SDHB: variants seen among roughly 807,000 people sequenced by gnomAD.
SDHB encodes succinate dehydrogenase complex iron sulfur subunit B.
A neutral mutation model predicts 39.7 loss-of-function variants in SDHB; 21 were observed. The observed-to-expected ratio is 0.53, with a 90% CI of 0.37 to 0.76. SDHB has a LOEUF of 0.76. SDHB is among the 30% of genes least tolerant of loss of function. SDHB has a pLI of 0.00. For missense variants in SDHB, 343 were observed against 350.9 expected, an observed-to-expected ratio of 0.98 and a Z score of 0.18; for synonymous variants, 118 against 117.0, an observed-to-expected ratio of 1.01 and a Z score of -0.06.
intron 6 of SDHB, among the ~76,000 whole-genome samples, chr1:17,023,490 CA>C (rs1181556967): frequency 2.0e-5 from 3 of 152,216 alleles, no homozygotes; most frequent in Non-Finnish European, 4.4e-5. Context: ...TTTCTGGGAA[CA>C]AAGACAGTGA....
At chr1:17,043,738 C>T (rs973515394) in intron 2 of SDHB, among the ~76,000 whole-genome samples, 11 of 152,142 alleles carry the variant, frequency 7.2e-5, no homozygotes, top group Non-Finnish European at 8.8e-5. Flanking sequence ...GCTGCTGCTG[C>T]TTTTGACGAT....
intron 2 of SDHB, among the ~76,000 whole-genome samples, chr1:17,041,775 T>A (rs2078081463): frequency 6.6e-6 from 1 of 152,224 alleles, no homozygotes; most frequent in African/African-American, 2.4e-5. Context: ...AGGCAATTAA[T>A]ATGGCTGCAC....
chr1:17,047,522 C>T (rs1037150892), intron 1 of SDHB, among the ~76,000 whole-genome samples: 3 of 150,624 alleles, frequency 2.0e-5, no homozygotes, highest in Non-Finnish European at 4.4e-5. Context: ...ACTAAAAATA[C>T]AAAAAAACGA....
rs780477085 is a variant in SDHB, at chr1:17,022,703, C to T, written c.670G>A (p.Asp224Asn). 6.2e-7 allele frequency: 1 copy of T among 1,613,954 alleles called. No individual in the cohort carries two copies. Among genetic ancestry groups the T allele is most frequent in the Non-Finnish European group, 8.5e-7 (1 of 1,179,882 alleles). Residue 224 changes from aspartate (D) to asparagine (N), a missense_variant, in exon 7 of 8, where the codon GAT (aspartate) becomes AAT (asparagine). Transcript: ENST00000375499. Reference protein sequence around the residue: ...QAYRWMIDSRDDFTEERLAKL... With the variant: ...QAYRWMIDSRNDFTEERLAKL... The stretch of plus-strand genomic sequence containing the variant: ...GCCAGGCGCTCCTCTGTGAAGTCAT[C>T]TCTGGAGTCAATCATCCAGCGATAG...
Position 17,025,343 on chromosome 1 carries a change from TAAAC to T in SDHB, c.541-1273_541-1270del, listed in dbSNP as rs975658570. Among the ~76,000 whole-genome samples, 61 of 150,082 alleles carry T rather than the reference TAAAC, an allele frequency of 4.1e-4. No individual in the cohort carries two copies. In the Middle Eastern group the frequency reaches 0.017, roughly 42 times the overall value. ...CCAGCTACATAAAAATATAATGTAA[TAAAC>T]AAAAAACAAAGGAAACTATAAATAT... On this transcript the variant is annotated intron_variant, in intron 5 of 7. Transcript: ENST00000375499.
chr1:17,039,465 T>C (rs2078068109), intron 2 of SDHB, among the ~76,000 whole-genome samples: 2 of 148,868 alleles, frequency 1.3e-5, no homozygotes, highest in Admixed American at 6.7e-5. Flanking sequence ...TACATGCCTG[T>C]AGTCCCAGGG....
chr1:17,032,978 G>T, intron 3 of SDHB, 82 bp downstream of exon 3: 1 of 1,025,572 alleles, frequency 9.8e-7, no homozygotes, highest in Non-Finnish European at 1.5e-6. Context: ...CTGTTTTCCA[G>T]ATGTCTCTAT....
chr1:17,019,897 TA>T (rs1213363068), intron 7 of SDHB, among the ~76,000 whole-genome samples: 6 of 152,166 alleles, frequency 3.9e-5, no homozygotes, highest in Non-Finnish European at 8.8e-5. Context: ...CACACCTGGC[TA>T]ATTAAAAAAA....
chr1:17,037,948 C>T (rs551327421), intron 2 of SDHB, among the ~76,000 whole-genome samples: 3 of 152,240 alleles, frequency 2.0e-5, no homozygotes, highest in African/African-American at 4.8e-5. Context: ...ACCAGCCTGA[C>T]CAACACGCAG....
chr1:17,037,054 T>C (rs2078054157), intron 2 of SDHB, among the ~76,000 whole-genome samples: 1 of 152,058 alleles, frequency 6.6e-6, no homozygotes, highest in Admixed American at 6.6e-5. Flanking sequence ...AGCTATTTTT[T>C]GTGTGTGTAT....
chr1:17,045,976 T>C (rs930945467), intron 1 of SDHB, among the ~76,000 whole-genome samples: 2 of 152,210 alleles, frequency 1.3e-5, no homozygotes, highest in Non-Finnish European at 2.9e-5. Flanking sequence ...GCTTTGCTTG[T>C]GTGTTTTGTC....
chr1:17,037,126 A>G (rs2078054618), intron 2 of SDHB, among the ~76,000 whole-genome samples: 1 of 152,156 alleles, frequency 6.6e-6, no homozygotes, highest in Admixed American at 6.5e-5. Context: ...TAATTAAAAC[A>G]TGGTACAATA....
chr1:17,019,564 CTTTACCAAGTACTTGCT>C (rs2077949723), intron 7 of SDHB, among the ~76,000 whole-genome samples: 1 of 151,996 alleles, frequency 6.6e-6, no homozygotes, highest in African/African-American at 2.4e-5. Context: ...GTAGGAAGTA[CTTTACCAAGTACTTGCT>C]TTTACCAAGC....
intron 1 of SDHB, among the ~76,000 whole-genome samples, chr1:17,048,569 T>C: frequency 6.6e-6 from 1 of 152,298 alleles, no homozygotes; most frequent in South Asian, 2.1e-4. Flanking sequence ...CTGACAAAAC[T>C]ATTTTCCAGA....
intron 3 of SDHB, among the ~76,000 whole-genome samples, chr1:17,030,423 CT>C (rs1246572281): frequency 1.3e-5 from 2 of 152,134 alleles, no homozygotes; most frequent in Admixed American, 1.3e-4. Context: ...TCAGCATGGA[CT>C]TTCCAAAGAG....
intron 2 of SDHB, among the ~76,000 whole-genome samples, chr1:17,042,445 G>A (rs1025722731): frequency 1.3e-5 from 2 of 152,070 alleles, no homozygotes; most frequent in African/African-American, 4.8e-5. Context: ...GACAAAACTG[G>A]AAGTAAACCC....
chr1:17,034,917 C>T (rs897010920), intron 2 of SDHB, among the ~76,000 whole-genome samples: 1 of 152,116 alleles, frequency 6.6e-6, no homozygotes, highest in African/African-American at 2.4e-5. Flanking sequence ...AGGTTCTGTT[C>T]TAGATGCTGG....
intron 1 of SDHB, among the ~76,000 whole-genome samples, chr1:17,047,925 C>T (rs2078123135): frequency 6.6e-6 from 1 of 152,182 alleles, no homozygotes; most frequent in Non-Finnish European, 1.5e-5. Context: ...AAGTGATCCT[C>T]TGCCTGGCCC....
Position 17,033,049 on chromosome 1 carries a change from G to A in SDHB, c.286+11C>T, listed in dbSNP as rs2078031782. Reference sequence around the variant, plus strand: ...CAAGTATCTGGAGCCCAACAGGAATGAAATGCTCACCTTCTCTGCATGATC... The same window carrying A: ...CAAGTATCTGGAGCCCAACAGGAATAAAATGCTCACCTTCTCTGCATGATC... On this transcript the variant is annotated intron_variant, in intron 3 of 7. Coordinates refer to ENST00000375499, the MANE Select transcript of SDHB (RefSeq NM_003000.3). 6.2e-7 allele frequency: 1 copy of A among 1,607,634 alleles called. No individual in the cohort carries two copies. The highest frequency in any genetic ancestry group is 8.5e-7 in the Non-Finnish European group (1 of 1,174,270).
Sources: gnomAD v4.1 joint callset for allele counts (sites outside exome capture counted in the v4.1 genomes callset) on GRCh38, gnomAD v4.1.1 for gene constraint, MANE v1.5 for transcripts, NCBI Gene and HGNC (gene_info 2026-07-23, HGNC 2026-07-21) for gene names.